The following KALRN variants were observed in gnomAD, a reference collection of about 807,000 sequenced individuals.
The protein encoded by KALRN is kalirin.
A neutral mutation model predicts 353.7 loss-of-function variants in KALRN; 70 were observed. The ratio of observed to expected loss-of-function variants is 0.20; its 90% CI spans 0.16 to 0.24. KALRN has a LOEUF of 0.24. KALRN is among the 10% of genes least tolerant of loss of function. The pLI is 1.00. For missense variants in KALRN, 2,791 were observed against 3,756.7 expected (o/e 0.74, Z 6.72); for synonymous variants, 1,391 against 1,434.8 (o/e 0.97, Z 0.69).
chr3:124,129,480 G>T (rs1007413697), intron 1 of KALRN, among the ~76,000 whole-genome samples: 1 of 152,162 alleles, frequency 6.6e-6, no homozygotes, highest in African/African-American at 2.4e-5. Context: ...TTTAAGGGTG[G>T]TATGTTTTGT....
intron 33 of KALRN, among the ~76,000 whole-genome samples, chr3:124,555,103 A>C (rs2071054446): frequency 6.6e-6 from 1 of 152,264 alleles, no homozygotes; most frequent in East Asian, 1.9e-4. Context: ...GTCCATCCTC[A>C]GTGCCGTCTG....
chr3:124,420,194 G>A (rs2092713996), intron 14 of KALRN, among the ~76,000 whole-genome samples: 1 of 152,208 alleles, frequency 6.6e-6, no homozygotes, highest in African/African-American at 2.4e-5. Context: ...AAAATGCAGG[G>A]ACTGAGTCTC....
chr3:124,491,142 C>T (rs558196355), intron 30 of KALRN, among the ~76,000 whole-genome samples, 181 bp from the exon 31 acceptor site: 8 of 152,244 alleles, frequency 5.3e-5, no homozygotes, highest in South Asian at 2.1e-4. Flanking sequence ...TAATCAGGCA[C>T]GTGCCTGTAG....
In KALRN at chr3:124,340,644, T is replaced by A. The variant is rs149893939; in HGVS notation, c.1647+6149T>A. Among the ~76,000 whole-genome samples the A allele has an allele frequency of 3.3e-5, 5 of 152,196 alleles. No individual in the cohort carries two copies. In the East Asian group the frequency reaches 9.7e-4, roughly 30 times the overall value. ...TGGCCACTATACAGAGATTGTTTGTTAATAATTCTCTTCAAAAGAACATTT... is the reference window on the plus strand; with the variant it reads ...TGGCCACTATACAGAGATTGTTTGTAAATAATTCTCTTCAAAAGAACATTT... On this transcript the variant is annotated intron_variant, in intron 9 of 59. Coordinates refer to ENST00000682506, the MANE Select transcript of KALRN (RefSeq NM_001388419.1).
chr3:124,456,567 C>A (rs2059323903), intron 22 of KALRN, 43 bp from the exon 23 acceptor site: 1 of 1,437,338 alleles, frequency 7.0e-7, no homozygotes, highest in East Asian at 2.3e-5. Flanking sequence ...AGTTGCTTTC[C>A]CAAAGCATCA....
At position 124,560,041 on chromosome 3, in the gene KALRN, A is replaced by G. The variant is rs565216090; in HGVS notation, c.4936-2802A>G. On this transcript the variant is annotated intron_variant, in intron 33 of 59. Coordinates refer to ENST00000682506, the MANE Select transcript of KALRN (RefSeq NM_001388419.1). Reference sequence around the variant, plus strand: ...GGCAAACACTGCCATCTAGTGGCGTATCTAGGCTTCTCGCCAGGAACTGTG... The same window carrying G: ...GGCAAACACTGCCATCTAGTGGCGTGTCTAGGCTTCTCGCCAGGAACTGTG... Among the ~76,000 whole-genome samples, 5 of 152,336 alleles carry G rather than the reference A, an allele frequency of 3.3e-5. No homozygotes were observed. In the South Asian group the frequency reaches 8.3e-4, roughly 25 times the overall value.
chr3:124,446,034 G>T, intron 19 of KALRN, 127 bp from the exon 20 acceptor site: 2 of 595,390 alleles, frequency 3.4e-6, no homozygotes, highest in East Asian at 5.5e-5. Flanking sequence ...TCTGATGCTG[G>T]ATTAGTCTCA....
At chr3:124,488,410 T>C in intron 29 of KALRN, 95 bp downstream of exon 29, 1 of 832,716 alleles carries the variant, frequency 1.2e-6, no homozygotes, top group Non-Finnish European at 2.1e-6. Context: ...TTAGACAAGG[T>C]GCAAGGCTGG....
intron 1 of KALRN, among the ~76,000 whole-genome samples, chr3:124,038,737 C>T (rs1401958510): frequency 6.6e-6 from 1 of 152,188 alleles, no homozygotes. Context: ...TGGGCTTCAG[C>T]CAATCTCAGA....
chr3:124,327,181 T>C (rs143018183), intron 7 of KALRN, among the ~76,000 whole-genome samples: 11 of 152,288 alleles, frequency 7.2e-5, no homozygotes, highest in Non-Finnish European at 8.8e-5. Context: ...TGTTTGAAAA[T>C]GCAGACTAAA....
chr3:124,698,349 A>G (rs565815234), intron 55 of KALRN, among the ~76,000 whole-genome samples: 1 of 152,228 alleles, frequency 6.6e-6, no homozygotes, highest in African/African-American at 2.4e-5. Flanking sequence ...TAGCCTCCTC[A>G]TCTTTCAGAA....
intron 38 of KALRN, 137 bp downstream of exon 38, chr3:124,651,075 C>T: frequency 9.9e-7 from 1 of 1,013,058 alleles, no homozygotes; most frequent in Non-Finnish European, 1.4e-6. Flanking sequence ...CAGATCTGTA[C>T]AGCATAGCAC....
intron 21 of KALRN, among the ~76,000 whole-genome samples, chr3:124,453,215 C>T (rs1007327782): frequency 1.3e-5 from 2 of 152,164 alleles, no homozygotes; most frequent in Non-Finnish European, 2.9e-5. Context: ...TATTACTCTG[C>T]CTTTTCATGG....
intron 1 of KALRN, among the ~76,000 whole-genome samples, chr3:124,154,800 C>T (rs1397491331): frequency 2.0e-5 from 3 of 152,098 alleles, no homozygotes; most frequent in African/African-American, 2.4e-5. Context: ...CCCGCATCGC[C>T]AAGTCAATCC....
chr3:124,437,820 T>C (rs1223381538), intron 17 of KALRN, among the ~76,000 whole-genome samples: 1 of 149,722 alleles, frequency 6.7e-6, no homozygotes, highest in African/African-American at 2.5e-5. Context: ...TTGAAGGAAA[T>C]CCAATCATTC....
chr3:124,337,151 C>T (rs2081217894), intron 9 of KALRN, among the ~76,000 whole-genome samples: 1 of 152,162 alleles, frequency 6.6e-6, no homozygotes, highest in South Asian at 2.1e-4. Flanking sequence ...CCCTTTATTT[C>T]TTTCTCTTGC....
chr3:124,150,446 T>C (rs2067940551), intron 1 of KALRN, among the ~76,000 whole-genome samples: 1 of 152,228 alleles, frequency 6.6e-6, no homozygotes, highest in Non-Finnish European at 1.5e-5. Flanking sequence ...GCAGGTTTGT[T>C]ACATATGTAT....
At chr3:124,101,953 A>G (rs2061903764) in intron 1 of KALRN, among the ~76,000 whole-genome samples, 1 of 152,106 alleles carries the variant, frequency 6.6e-6, no homozygotes, top group South Asian at 2.1e-4. Flanking sequence ...CTTTGTGCCA[A>G]CCTTTATGAC....
In KALRN at chr3:124,446,245, A is replaced by C; in HGVS notation, c.3398A>C (p.Gln1133Pro). ...LKKRRLDQCQ[Q>P]YVVFERSAKQ... ...AAGCGGCGGTTAGACCAATGCCAGC[A>C]ATATGTGGTGTTCGAGCGCAGCGCT... Residue 1133 changes from glutamine (Q) to proline (P), a missense_variant, in exon 20 of 60, where the codon CAA (glutamine) becomes CCA (proline). Physicochemically the swap from Gln to Pro is moderately conservative, Grantham distance 76. Transcript: ENST00000682506. 1 of 1,614,052 alleles carries C rather than the reference A, an allele frequency of 6.2e-7. No individual in the cohort carries two copies. Among genetic ancestry groups the C allele is most frequent in the Non-Finnish European group, 8.5e-7 (1 of 1,179,916 alleles).
Sources: gnomAD v4.1 joint callset for allele counts (sites outside exome capture counted in the v4.1 genomes callset) on GRCh38, gnomAD v4.1.1 for gene constraint, MANE v1.5 for transcripts, NCBI Gene and HGNC (gene_info 2026-07-23, HGNC 2026-07-21) for gene names.